GAPVD1: variants seen among roughly 807,000 people sequenced by gnomAD.
GAPVD1 encodes the protein GTPase-activating protein and VPS9 domain-containing protein 1.
GAPVD1 carries 35 observed loss-of-function variants against 155.5 expected under a neutral mutation model. The ratio of observed to expected loss-of-function variants is 0.23; its 90% CI spans 0.17 to 0.30. The LOEUF is 0.30. Ranked by LOEUF, GAPVD1 falls within the 10% of genes least tolerant of loss-of-function variation. The probability of loss-of-function intolerance (pLI) is 1.00; values close to 1 mark genes in which losing one functional copy is unlikely to be tolerated. For missense variants in GAPVD1, 1,429 were observed against 1,775.7 expected, an observed-to-expected ratio of 0.80 and a Z score of 3.51; for synonymous variants, 636 against 619.7, an observed-to-expected ratio of 1.03 and a Z score of -0.39.
At chr9:125,268,572 T>C (rs1834374213) in intron 1 of GAPVD1, among the ~76,000 whole-genome samples, 1 of 145,030 alleles carries the variant, frequency 6.9e-6, no homozygotes, top group Non-Finnish European at 1.5e-5. Flanking sequence ...CTATCACAGC[T>C]CACTGCAGCC....
intron 9 of GAPVD1, among the ~76,000 whole-genome samples, chr9:125,318,384 A>C (rs1327381667): frequency 6.6e-6 from 1 of 152,082 alleles, no homozygotes; most frequent in Non-Finnish European, 1.5e-5. Context: ...CGTATTTTAT[A>C]CTCCAGTGTG....
At chr9:125,343,883 C>T (rs1848169401) in intron 19 of GAPVD1, among the ~76,000 whole-genome samples, 1 of 152,164 alleles carries the variant, frequency 6.6e-6, no homozygotes, top group Non-Finnish European at 1.5e-5. Flanking sequence ...AATGACATCT[C>T]ATGTTTTTAA....
chr9:125,333,712 C>G (rs1846446537), intron 15 of GAPVD1, among the ~76,000 whole-genome samples: 1 of 151,208 alleles, frequency 6.6e-6, no homozygotes, highest in Non-Finnish European at 1.5e-5. Context: ...GGTCTGGAAC[C>G]CCCAACCTCA....
intron 2 of GAPVD1, among the ~76,000 whole-genome samples, chr9:125,294,840 A>T (rs903006086): frequency 6.6e-6 from 1 of 152,042 alleles, no homozygotes; most frequent in Non-Finnish European, 1.5e-5. Flanking sequence ...TGTAAACTCA[A>T]ATGAAGTAGA....
intron 26 of GAPVD1, 71 bp downstream of exon 26, chr9:125,359,563 C>T: frequency 1.3e-6 from 1 of 790,242 alleles, no homozygotes; most frequent in Non-Finnish European, 2.2e-6. Flanking sequence ...ATAATGTTAC[C>T]ACGTGTTCAA....
intron 12 of GAPVD1, among the ~76,000 whole-genome samples, chr9:125,328,840 C>A (rs1206598945): frequency 6.6e-6 from 1 of 152,008 alleles, no homozygotes. Flanking sequence ...CTGACCCCCC[C>A]CCCACCTCCC....
At chr9:125,278,928 A>G (rs1390749104) in intron 2 of GAPVD1, among the ~76,000 whole-genome samples, 1 of 151,162 alleles carries the variant, frequency 6.6e-6, no homozygotes, top group Non-Finnish European at 1.5e-5. Context: ...AATGGCAGTC[A>G]TGGCTGGGCA....
intron 9 of GAPVD1, among the ~76,000 whole-genome samples, chr9:125,313,222 G>A (rs928997457): frequency 2.0e-5 from 3 of 152,052 alleles, no homozygotes; most frequent in African/African-American, 7.2e-5. Flanking sequence ...CATCACCTTG[G>A]GGGTTAGAAT....
intron 3 of GAPVD1, 142 bp from the exon 4 acceptor site, chr9:125,298,748 A>G (rs1305405497): frequency 2.1e-6 from 1 of 466,278 alleles, no homozygotes; most frequent in Non-Finnish European, 3.8e-6. Context: ...TTGGCCTCCC[A>G]AAGTGCTGGG....
In GAPVD1 at chr9:125,337,584, G is replaced by A; in HGVS notation, c.2870G>A (p.Arg957Lys). ...SSSSPSKDSSRGETEERKDSD... is the reference protein window; with the variant it reads ...SSSSPSKDSSKGETEERKDSD... ...TCATCCCCGAGTAAGGACTCCTCAA[G>A]AGGAGAGGTATGGGACATAGGCCGT... Residue 957 changes from arginine to lysine, a missense_variant, in exon 17 of 28, where the codon AGA (arginine) becomes AAA (lysine). Around this residue, in one of 4 missense-constraint regions of GAPVD1, gnomAD observed 699 missense variants for 826.0 expected, o/e 0.85. Coordinates refer to ENST00000297933, the MANE Select transcript of GAPVD1 (RefSeq NM_001282680.3). 4 of 1,613,478 alleles carry A rather than the reference G, an allele frequency of 2.5e-6. No individual in the cohort carries two copies. Among genetic ancestry groups the A allele is most frequent in the African/African-American group, 1.3e-5 (1 of 75,040 alleles).
chr9:125,348,605 C>T lies in GAPVD1; in HGVS notation c.3170-785C>T, dbSNP rs183416120. 4.5e-4 allele frequency among the ~76,000 whole-genome samples: 68 copies of T among 152,124 alleles called. No individual in the cohort carries two copies. In the Middle Eastern group the frequency reaches 0.02, roughly 46 times the overall value. On this transcript the variant is annotated intron_variant, in intron 20 of 27. Coordinates refer to ENST00000297933, the MANE Select transcript of GAPVD1 (RefSeq NM_001282680.3). Reference sequence around the variant, plus strand: ...TTGGCTCACTGCAACCTCCACCTCCCGAGTTTAAGCAACTCTCCTGCCTCG... The same window carrying T: ...TTGGCTCACTGCAACCTCCACCTCCTGAGTTTAAGCAACTCTCCTGCCTCG...
Position 125,295,473 on chromosome 9 carries a change from C to T in GAPVD1, c.-134C>T, listed in dbSNP as rs1839698704. ...TTTGGGACAGGGTCTGGCTCTGTCA[C>T]CCAGGCTGGAGTGCAGTGACACGAT... On this transcript the variant is annotated 5_prime_UTR_variant, in exon 3 of 28. Coordinates refer to ENST00000297933, the MANE Select transcript of GAPVD1 (RefSeq NM_001282680.3). The T allele has an allele frequency of 6.7e-6, 1 of 148,540 alleles. No homozygotes were observed. Among genetic ancestry groups the T allele is most frequent in the Admixed American group, 6.8e-5 (1 of 14,740 alleles). 9.2% of individuals were successfully genotyped at this position (148,540 alleles called of 1,614,324 possible). A position where few individuals can be genotyped will look rare whatever the true frequency, so the allele number is the denominator to read the frequency against.
At chr9:125,268,495 GTT>G (rs911483935) in intron 1 of GAPVD1, among the ~76,000 whole-genome samples, 3 of 89,146 alleles carry the variant, frequency 3.4e-5, no homozygotes, top group African/African-American at 8.6e-5. Flanking sequence ...CCCTAACATT[GTT>G]TTTTTTTTTT....
At chr9:125,328,778 C>G (rs1026193170) in intron 12 of GAPVD1, among the ~76,000 whole-genome samples, 8 of 151,740 alleles carry the variant, frequency 5.3e-5, no homozygotes, top group Non-Finnish European at 1.2e-4. Context: ...TAGGGGCGGC[C>G]GGGCAGAGGC....
chr9:125,271,933 G>A (rs541713368), intron 2 of GAPVD1, among the ~76,000 whole-genome samples: 3 of 152,238 alleles, frequency 2.0e-5, no homozygotes, highest in African/African-American at 7.2e-5. Context: ...TTACAAAAAT[G>A]CATTAGGTCT....
intron 22 of GAPVD1, 75 bp from the exon 23 acceptor site, chr9:125,350,638 C>T (rs1849164695): frequency 1.1e-6 from 1 of 905,364 alleles, no homozygotes; most frequent in Non-Finnish European, 1.7e-6. Flanking sequence ...GAATTGACGT[C>T]CCAAATGCTG....
intron 8 of GAPVD1, chr9:125,309,845 T>C: frequency 3.0e-6 from 1 of 332,618 alleles, no homozygotes; most frequent in Non-Finnish European, 6.5e-6. Flanking sequence ...GTTACCTGGC[T>C]ATTGCATTTA....
At chr9:125,346,441 A>T in intron 19 of GAPVD1, 1 of 264,224 alleles carries the variant, frequency 3.8e-6, no homozygotes, top group Non-Finnish European at 7.4e-6. Flanking sequence ...CAGCATAGAG[A>T]TGTCTGAATA....
chr9:125,366,623 A>G lies in GAPVD1; in HGVS notation c.*3877A>G, dbSNP rs1851482477. ...TTTTAAGGGAAGTAAATCTGAAACT[A>G]TCTTGAAGCCCAAAGGATTTTTAGT... On this transcript the variant is annotated 3_prime_UTR_variant, in exon 28 of 28. Coordinates refer to ENST00000297933, the MANE Select transcript of GAPVD1 (RefSeq NM_001282680.3). The G allele has an allele frequency of 6.6e-6, 1 of 152,234 alleles. No individual in the cohort carries two copies. The highest frequency in any genetic ancestry group is 6.5e-5 in the Admixed American group (1 of 15,284). 9.4% of individuals were successfully genotyped at this position (152,234 alleles called of 1,614,324 possible).
Sources: allele counts gnomAD v4.1 joint callset (sites outside exome capture counted in the v4.1 genomes callset), GRCh38; gene constraint gnomAD v4.1.1; regional missense constraint gnomAD v4.1.1; transcripts MANE v1.5; gene names NCBI Gene and HGNC (gene_info 2026-07-23, HGNC 2026-07-21).